CHD9: variants seen among roughly 807,000 people sequenced by gnomAD.
CHD9 encodes chromodomain helicase DNA binding protein 9, also known as ATP-dependent chromatin remodeler CHD9.
Under a neutral mutation model 316.1 loss-of-function variants are expected in CHD9, and 77 were observed. That is an observed-to-expected ratio of 0.24 (90% CI 0.20 to 0.29). The LOEUF is 0.29. Ranked by LOEUF, CHD9 falls within the 10% of genes least tolerant of loss-of-function variation. The probability of loss-of-function intolerance (pLI) is 1.00; values close to 1 mark genes in which losing one functional copy is unlikely to be tolerated. For missense variants in CHD9, 2,763 were observed against 3,438.1 expected, an observed-to-expected ratio of 0.80 and a Z score of 4.91; for synonymous variants, 1,129 against 1,158.3, an observed-to-expected ratio of 0.97 and a Z score of 0.51.
intron 1 of CHD9, among the ~76,000 whole-genome samples, chr16:53,124,467 A>ATTTTT (rs753476091): frequency 2.1e-5 from 2 of 96,924 alleles, no homozygotes; most frequent in African/African-American, 3.8e-5. Flanking sequence ...GTGAGACTTA[A>ATTTTT]TTTTTTTTTT....
At chr16:53,315,660 A>T (rs1165530479) in intron 36 of CHD9, among the ~76,000 whole-genome samples, 1 of 151,964 alleles carries the variant, frequency 6.6e-6, no homozygotes, top group Non-Finnish European at 1.5e-5. Context: ...TGTATTTTTC[A>T]TAGAAACAGG....
intron 8 of CHD9, among the ~76,000 whole-genome samples, chr16:53,230,981 T>C (rs1481022937): frequency 6.6e-6 from 1 of 152,128 alleles, no homozygotes; most frequent in Non-Finnish European, 1.5e-5. Flanking sequence ...AGTAAATGAG[T>C]GCAAATGAGT....
intron 1 of CHD9, among the ~76,000 whole-genome samples, chr16:53,128,838 A>G (rs35397946): frequency 0.038 from 5,735 of 152,222 alleles, 371 homozygotes; most frequent in African/African-American, 0.13. Flanking sequence ...GGAGAACCCC[A>G]CAGAAAATCT....
In CHD9 at chr16:53,222,586, A is replaced by T. The variant is rs999715938; in HGVS notation, c.1785-58A>T. 7 of 804,814 alleles carry T rather than the reference A, an allele frequency of 8.7e-6. No homozygotes were observed. The African/African-American group carries it at 1.2e-4, about 14-fold the overall frequency. The allele number at this position is 804,814 out of a possible 1,614,324, so 49.9% of individuals were successfully genotyped here. On this transcript the variant is annotated intron_variant, in intron 3 of 38. Transcript: ENST00000447540. Reference sequence around the variant, plus strand: ...AGTTTATCATGACAATCTTAATTTAATCAAATTTAGGAAAATTCAAAGAAT... The same window carrying T: ...AGTTTATCATGACAATCTTAATTTATTCAAATTTAGGAAAATTCAAAGAAT...
At chr16:53,271,464 G>C (rs1213569574) in intron 22 of CHD9, among the ~76,000 whole-genome samples, 2 of 151,982 alleles carry the variant, frequency 1.3e-5, no homozygotes, top group South Asian at 4.1e-4. Flanking sequence ...AGCTACTTGG[G>C]ATGCTGAGGC....
At chr16:53,143,400 T>C (rs570659008) in intron 1 of CHD9, among the ~76,000 whole-genome samples, 9 of 141,468 alleles carry the variant, frequency 6.4e-5, no homozygotes, top group African/African-American at 2.1e-4. Flanking sequence ...ATTTATTTAT[T>C]TATCTGAGGC....
At chr16:53,146,672 G>T (rs991506057) in intron 1 of CHD9, among the ~76,000 whole-genome samples, 1 of 150,642 alleles carries the variant, frequency 6.6e-6, no homozygotes. Context: ...GGTGACACAT[G>T]CCTGTAATCC....
chr16:53,067,160 C>A (rs1431046670), intron 1 of CHD9, among the ~76,000 whole-genome samples: 1 of 152,144 alleles, frequency 6.6e-6, no homozygotes, highest in Non-Finnish European at 1.5e-5. Context: ...CCAGGCTGGT[C>A]TTGAACTCCC....
intron 2 of CHD9, among the ~76,000 whole-genome samples, chr16:53,179,356 CTCTTAAAATATCAGTTT>C (rs1181568378): frequency 6.6e-6 from 1 of 151,630 alleles, no homozygotes; most frequent in East Asian, 1.9e-4. Context: ...AATATCAGCT[CTCTTAAAATATCAGTTT>C]TGATCACTAT....
intron 30 of CHD9, chr16:53,299,495 A>G: frequency 3.6e-6 from 1 of 279,338 alleles, no homozygotes; most frequent in South Asian, 4.4e-5. Context: ...GCTCTGCAGC[A>G]GCCATCTTCA....
Position 53,324,562 on chromosome 16 carries a change from T to G in CHD9, c.8361T>G (p.Ala2787=). The G allele has an allele frequency of 1.9e-6, 3 of 1,613,742 alleles. No individual in the cohort carries two copies. Among genetic ancestry groups the G allele is most frequent in the Non-Finnish European group, 2.5e-6 (3 of 1,179,740 alleles). Residue 2787 remains alanine (A), a synonymous_variant, in exon 39 of 39, where the codon GCT becomes GCG. Transcript: ENST00000447540. ...CTGCTGCATTAAATACAGCTGCAGCTGCCAACCCATTAGCTCTTAACCCAC... is the reference window on the plus strand; with the variant it reads ...CTGCTGCATTAAATACAGCTGCAGCGGCCAACCCATTAGCTCTTAACCCAC... ...SSTAALNTAA[A]ANPLALNPLL... is the part of the protein sequence containing the mutation.
At chr16:53,279,511 A>G (rs1224952840) in intron 24 of CHD9, among the ~76,000 whole-genome samples, 2 of 152,178 alleles carry the variant, frequency 1.3e-5, no homozygotes, top group Non-Finnish European at 2.9e-5. Context: ...GAAGTATAAT[A>G]ATAAAAATCA....
Position 53,187,273 on chromosome 16 carries a change from T to C in CHD9, c.1453-22209T>C, listed in dbSNP as rs182819404. Among the ~76,000 whole-genome samples the C allele has an allele frequency of 1.1e-4, 16 of 152,246 alleles. No homozygotes were observed. The East Asian group carries it at 2.9e-3, about 28-fold the overall frequency. ...CTGTAATCCCAGCACTTTGGGAGAC[T>C]GAGGCAGGAAGATCACTTGAGGCTA... On this transcript the variant is annotated intron_variant, in intron 2 of 38. Coordinates refer to ENST00000447540, the MANE Select transcript of CHD9 (RefSeq NM_001308319.2).
intron 1 of CHD9, chr16:53,131,254 G>T: frequency 6.7e-6 from 1 of 150,136 alleles, no homozygotes; most frequent in South Asian, 1.9e-4. Flanking sequence ...GGGGGGCGGC[G>T]GGGGCGCCTC....
intron 1 of CHD9, among the ~76,000 whole-genome samples, chr16:53,088,402 C>T (rs1361463647): frequency 1.3e-5 from 2 of 151,424 alleles, no homozygotes; most frequent in East Asian, 2.0e-4. Flanking sequence ...CTTAGCCTCC[C>T]GAGTAGCTGG....
chr16:53,294,267 G>A (rs1311043468), intron 29 of CHD9, among the ~76,000 whole-genome samples: 1 of 152,102 alleles, frequency 6.6e-6, no homozygotes, highest in Non-Finnish European at 1.5e-5. Flanking sequence ...GATGTCCTCT[G>A]GAAGATATAT....
Position 53,321,593 on chromosome 16 carries a change from G to T in CHD9, c.7781G>T (p.Gly2594Val). ...CRFLKENSEYGVAPEWGDVVK... is the reference protein window; with the variant it reads ...CRFLKENSEYVVAPEWGDVVK... Reference sequence around the variant, plus strand: ...TTCCTAAAAGAAAATTCAGAATATGGAGTAGCTCCTGAATGGGGAGATGTT... The same window carrying T: ...TTCCTAAAAGAAAATTCAGAATATGTAGTAGCTCCTGAATGGGGAGATGTT... The change falls in exon 38 of 39, where the codon GGA becomes GTA. Residue 2594 changes from glycine (G) to valine (V), a missense_variant. Gly to Val is a moderately radical substitution (Grantham distance 109, BLOSUM62 -3). Transcript: ENST00000447540. 6.5e-7 allele frequency: 1 copy of T among 1,544,084 alleles called. No individual in the cohort carries two copies. Among genetic ancestry groups the T allele is most frequent in the South Asian group, 1.2e-5 (1 of 81,098 alleles).
At chr16:53,206,227 A>G (rs1007305025) in intron 2 of CHD9, among the ~76,000 whole-genome samples, 3 of 152,052 alleles carry the variant, frequency 2.0e-5, no homozygotes, top group Non-Finnish European at 4.4e-5. Context: ...TGCTGGGATT[A>G]TAGGCATGAG....
In CHD9 at chr16:53,325,074, A is replaced by C. The variant is rs2057495577; in HGVS notation, c.*179A>C. 1.8e-5 allele frequency: 10 copies of C among 546,036 alleles called. No homozygotes were observed. In the Admixed American group the frequency reaches 2.8e-4, roughly 15 times the overall value. The allele number at this position is 546,036 out of a possible 1,614,324, so 33.8% of individuals were successfully genotyped here. On this transcript the variant is annotated 3_prime_UTR_variant, in exon 39 of 39. Transcript: ENST00000447540. ...CATGTAATATTTCTTAAGATTCATA[A>C]GTTTCTGAACTCGTATGTACTATCA...
Sources: gnomAD v4.1 joint callset for allele counts (sites outside exome capture counted in the v4.1 genomes callset) on GRCh38, gnomAD v4.1.1 for gene constraint, MANE v1.5 for transcripts, NCBI Gene and HGNC (gene_info 2026-07-23, HGNC 2026-07-21) for gene names.